The following SLF1 variants were observed in gnomAD, a reference collection of about 807,000 sequenced individuals.
The protein encoded by SLF1 is SMC5/6 complex localization factor 1.
In SLF1, 105 loss-of-function variants were observed where a neutral mutation model predicts 123.0. That is an observed-to-expected ratio of 0.85 (90% CI 0.73 to 1.00). The LOEUF (loss-of-function observed/expected upper bound fraction) is 1.00. Ranked by LOEUF, SLF1 falls within the 50% of genes least tolerant of loss-of-function variation. The pLI, the probability that SLF1 is intolerant of heterozygous loss-of-function variation, is 0.00. For synonymous variants in SLF1, 434 were observed against 406.6 expected (o/e 1.07, Z -0.81); for missense variants, 1,239 against 1,223.0 (o/e 1.01, Z -0.20).
At chr5:94,674,872 A>ACAGGT (rs1289301012) in intron 14 of SLF1, among the ~76,000 whole-genome samples, 1 of 152,232 alleles carries the variant, frequency 6.6e-6, no homozygotes, top group African/African-American at 2.4e-5. Flanking sequence ...TGCTATTGAT[A>ACAGGT]ATTCTACAAT....
chr5:94,647,162 C>T (rs953888931), intron 5 of SLF1, among the ~76,000 whole-genome samples: 5 of 152,118 alleles, frequency 3.3e-5, no homozygotes, highest in African/African-American at 1.2e-4. Flanking sequence ...TATTAGATTT[C>T]CAGTCTCTTT....
At chr5:94,651,458 G>T (rs781752555) in intron 6 of SLF1, among the ~76,000 whole-genome samples, 8 of 152,102 alleles carry the variant, frequency 5.3e-5, no homozygotes, top group Non-Finnish European at 1.2e-4. Flanking sequence ...TCATTAATCG[G>T]AATTCAGCAC....
chr5:94,656,163 G>T (rs1203039887), intron 9 of SLF1, among the ~76,000 whole-genome samples: 1 of 151,958 alleles, frequency 6.6e-6, no homozygotes, highest in Non-Finnish European at 1.5e-5. Context: ...GGATGTTGAA[G>T]AAATTTTATT....
At chr5:94,690,574 A>G (rs1752955588) in intron 18 of SLF1, among the ~76,000 whole-genome samples, 1 of 152,186 alleles carries the variant, frequency 6.6e-6, no homozygotes, top group Non-Finnish European at 1.5e-5. Context: ...ATAGTAGAGA[A>G]AAACTTCAAA....
chr5:94,656,813 A>G (rs1257190101), intron 9 of SLF1, among the ~76,000 whole-genome samples: 1 of 151,072 alleles, frequency 6.6e-6, no homozygotes, highest in East Asian at 1.9e-4. Context: ...TGTGATATCA[A>G]TTATAATGTG....
intron 14 of SLF1, among the ~76,000 whole-genome samples, chr5:94,674,874 T>TA (rs1465715380): frequency 6.6e-6 from 1 of 152,234 alleles, no homozygotes; most frequent in African/African-American, 2.4e-5. Context: ...CTATTGATAA[T>TA]TCTACAATAT....
At chr5:94,651,042 C>T (rs1747659720) in intron 6 of SLF1, among the ~76,000 whole-genome samples, 1 of 152,182 alleles carries the variant, frequency 6.6e-6, no homozygotes, top group Non-Finnish European at 1.5e-5. Context: ...ATGATAGTAT[C>T]TTATAGTCCC....
In SLF1 at chr5:94,696,603, G is replaced by A. The variant is rs1753526233; in HGVS notation, c.*1291G>A. On this transcript the variant is annotated 3_prime_UTR_variant, in exon 21 of 21. Transcript: ENST00000265140. ...AGTTTAAATGCTTATAGAGAGTAAA[G>A]TGCTTCTCCAGATGATGAATAAGAA... 6.6e-6 allele frequency: 1 copy of A among 151,804 alleles called. No individual in the cohort carries two copies. The highest frequency in any genetic ancestry group is 1.5e-5 in the Non-Finnish European group (1 of 67,828). 9.4% of individuals were successfully genotyped at this position (151,804 alleles called of 1,614,324 possible).
At position 94,692,076 on chromosome 5, in the gene SLF1, A is replaced by C. The variant is rs774690716; in HGVS notation, c.2515A>C (p.Asn839His). 1.9e-6 allele frequency: 3 copies of C among 1,612,986 alleles called. No individual in the cohort carries two copies. The Admixed American group carries it at 5.0e-5, about 27-fold the overall frequency. Reference protein sequence around the residue: ...LPGIDINVKDNAGWTPLHEAC... With the variant: ...LPGIDINVKDHAGWTPLHEAC... The stretch of plus-strand genomic sequence containing the variant: ...ACTTGCCTTGATTTCTAATTTAGAC[A>C]ATGCTGGCTGGACGCCTTTGCATGA... The change falls in exon 20 of 21, where the codon AAT becomes CAT. Residue 839 changes from asparagine (N) to histidine (H), a missense_variant and splice_region_variant. Coordinates refer to ENST00000265140, the MANE Select transcript of SLF1 (RefSeq NM_032290.4).
At chr5:94,667,220 A>T (rs1749876043) in intron 12 of SLF1, among the ~76,000 whole-genome samples, 1 of 152,162 alleles carries the variant, frequency 6.6e-6, no homozygotes, top group African/African-American at 2.4e-5. Context: ...AAGATGATTT[A>T]AATAACAGTT....
intron 11 of SLF1, among the ~76,000 whole-genome samples, chr5:94,665,360 G>C (rs1020481684): frequency 6.6e-6 from 1 of 152,164 alleles, no homozygotes; most frequent in Non-Finnish European, 1.5e-5. Flanking sequence ...GCTGTACATA[G>C]AGTGTGCCTG....
chr5:94,675,735 A>G (rs1750969370), intron 14 of SLF1, among the ~76,000 whole-genome samples: 1 of 152,172 alleles, frequency 6.6e-6, no homozygotes, highest in African/African-American at 2.4e-5. Context: ...TTTTTATCAT[A>G]GTAAAAAAGC....
chr5:94,697,079 GTTTAA>G lies in SLF1; in HGVS notation c.*1770_*1774del, dbSNP rs2152501481. 6.6e-6 allele frequency: 1 copy of G among 151,916 alleles called. No individual in the cohort carries two copies. The highest frequency in any genetic ancestry group is 2.1e-4 in the South Asian group (1 of 4,822). The allele number at this position is 151,916 out of a possible 1,614,324, so 9.4% of individuals were successfully genotyped here. A position where few individuals can be genotyped will look rare whatever the true frequency, so the allele number is the denominator to read the frequency against. ...AATTAGATGTTCATAACGTATATTT[GTTTAA>G]TTGCAATTAGCATTAATATTTCATA... is the stretch of plus-strand genomic sequence containing the variant. On this transcript the variant is annotated 3_prime_UTR_variant, in exon 21 of 21. Coordinates refer to ENST00000265140, the MANE Select transcript of SLF1 (RefSeq NM_032290.4).
Position 94,654,707 on chromosome 5 carries a change from T to C in SLF1, c.1110T>C (p.Val370=), listed in dbSNP as rs1394249182. Residue 370 remains valine (V), a synonymous_variant, in exon 9 of 21, where the codon GTT becomes GTC. Transcript: ENST00000265140. ...TGGCTATTAAGACAGATGTGGATGT[T>C]GTTGAAATAAAAAATACCTTAAGGA... ...KAMAIKTDVD[V]VEIKNTLRKH... is the part of the protein sequence containing the mutation. The C allele has an allele frequency of 1.9e-6, 3 of 1,544,166 alleles. No individual in the cohort carries two copies. The highest frequency in any genetic ancestry group is 1.7e-4 in the Middle Eastern group (1 of 5,920).
chr5:94,694,484 A>G (rs1350709674), intron 20 of SLF1, among the ~76,000 whole-genome samples: 2 of 151,900 alleles, frequency 1.3e-5, no homozygotes, highest in Non-Finnish European at 2.9e-5. Context: ...TATAGAATTT[A>G]TAAGATGAAT....
chr5:94,677,621 A>G (rs1248362699), intron 14 of SLF1, among the ~76,000 whole-genome samples: 1 of 152,178 alleles, frequency 6.6e-6, no homozygotes, highest in African/African-American at 2.4e-5. Context: ...TTACCCAACT[A>G]TTAATTTAGT....
At chr5:94,646,414 A>C (rs1747064356) in intron 5 of SLF1, among the ~76,000 whole-genome samples, 1 of 152,256 alleles carries the variant, frequency 6.6e-6, no homozygotes, top group East Asian at 1.9e-4. Context: ...CATTAGGGAT[A>C]TGAAAATGAA....
intron 3 of SLF1, among the ~76,000 whole-genome samples, 152 bp downstream of exon 3, chr5:94,629,319 T>C (rs1244983877): frequency 3.3e-5 from 5 of 152,210 alleles, no homozygotes; most frequent in African/African-American, 1.2e-4. Context: ...TTTTGGCTTA[T>C]TACTCTTCTA....
At chr5:94,619,991 ATC>A (rs1249908312) in intron 1 of SLF1, 2 of 152,004 alleles carry the variant, frequency 1.3e-5, no homozygotes, top group Non-Finnish European at 2.9e-5. Flanking sequence ...CAATTCTCCT[ATC>A]TCAGCCTCCC....
Sources: allele counts gnomAD v4.1 joint callset (sites outside exome capture counted in the v4.1 genomes callset), GRCh38; gene constraint gnomAD v4.1.1; transcripts MANE v1.5; gene names NCBI Gene and HGNC (gene_info 2026-07-23, HGNC 2026-07-21).